Variants in TMEM106C observed in about 807,000 individuals in gnomAD.
TMEM106C encodes the protein transmembrane protein 106C, also known as endoplasmic reticulum membrane protein overexpressed in cancer.
In TMEM106C, 27 loss-of-function variants were observed where a neutral mutation model predicts 30.8. That is an observed-to-expected ratio of 0.88 (90% CI 0.65 to 1.21). The LOEUF (loss-of-function observed/expected upper bound fraction) is 1.21, where lower values mean the gene tolerates loss of function less well. Ranked by LOEUF, TMEM106C falls within the 50% of genes most tolerant of loss-of-function variation. TMEM106C has a pLI of 0.00. For missense variants in TMEM106C, 288 were observed against 307.8 expected (o/e 0.94, Z 0.48); for synonymous variants, 123 against 118.8 (o/e 1.04, Z -0.23).
At chr12:47,966,303 G>T in intron 5 of TMEM106C, 74 bp downstream of exon 5, 3 of 1,540,882 alleles carry the variant, frequency 1.9e-6, no homozygotes, top group Non-Finnish European at 1.8e-6. Context: ...TGCCATAGCT[G>T]TGTCACTTTC....
chr12:47,966,460 A>G, intron 5 of TMEM106C: 1 of 698,210 alleles, frequency 1.4e-6, no homozygotes, highest in Non-Finnish European at 2.3e-6. Context: ...GATTTGCTAC[A>G]AAATAAGAAG....
In TMEM106C at chr12:47,964,267, CCCT is replaced by C. The variant is rs750816609; in HGVS notation, c.38_40del (p.Ser13del). The C allele has an allele frequency of 6.2e-6, 10 of 1,613,864 alleles. No individual in the cohort carries two copies. Among genetic ancestry groups the C allele is most frequent in the Non-Finnish European group, 8.5e-6 (10 of 1,179,886 alleles). ...GTCTCAGCATTCCGCTGCTGCTCGC[CCCT>C]CCTCCTGCAGGCGAAAGCAAGAAGA... On this transcript the variant is annotated inframe_deletion, in exon 2 of 8. Transcript: ENST00000429772.
intron 7 of TMEM106C, 100 bp downstream of exon 7, chr12:47,967,361 C>A: frequency 1.7e-6 from 2 of 1,178,722 alleles, no homozygotes; most frequent in Non-Finnish European, 2.5e-6. Flanking sequence ...AGGCACCTAG[C>A]CCGAGGGGAC....
chr12:47,964,140 T>C, intron 1 of TMEM106C, 69 bp from the exon 2 acceptor site: 1 of 1,390,506 alleles, frequency 7.2e-7, no homozygotes, highest in Non-Finnish European at 9.8e-7. Flanking sequence ...TTAATTTTCT[T>C]ATAGAAACAA....
At chr12:47,967,609 C>A (rs756343410) in intron 7 of TMEM106C, among the ~76,000 whole-genome samples, 3 of 152,196 alleles carry the variant, frequency 2.0e-5, no homozygotes, top group Non-Finnish European at 2.9e-5. Flanking sequence ...TCTAGCCACA[C>A]AAATTACCAC....
rs1206407195 is a variant in TMEM106C at position 47,966,087 on chromosome 12, A to G, written c.412-2A>G. On this transcript the variant is annotated splice_acceptor_variant, in intron 4 of 7. Transcript: ENST00000429772. LOFTEE classifies it high-confidence loss of function. The stretch of plus-strand genomic sequence containing the variant: ...CTTGTTTCCTGACTTGCCCTGATGT[A>G]GGCCACCCTGAAAATCAGGAACTCC... 1.2e-6 allele frequency: 2 copies of G among 1,614,108 alleles called. No individual in the cohort carries two copies. Among genetic ancestry groups the G allele is most frequent in the Non-Finnish European group, 1.7e-6 (2 of 1,180,042 alleles).
At position 47,965,860 on chromosome 12, in the gene TMEM106C, A is replaced by G. The variant is rs901539962; in HGVS notation, c.274A>G (p.Ile92Val). 3 of 1,614,048 alleles carry G rather than the reference A, an allele frequency of 1.9e-6. No homozygotes were observed. The African/African-American group carries it at 4.0e-5, about 22-fold the overall frequency. Residue 92 changes from isoleucine (I) to valine (V), a missense_variant, in exon 4 of 8, where the codon ATC becomes GTC. Physicochemically the swap from Ile to Val is conservative, Grantham distance 29. Transcript: ENST00000429772. ...QRTKQYVLLSILLCLLASGLV... is the reference protein window; with the variant it reads ...QRTKQYVLLSVLLCLLASGLV... ...CAGTAAGCAATATGTCCTCCTGTCC[A>G]TCCTGCTTTGTCTCCTGGCATCTGG...
At chr12:47,967,395 T>C (rs1163717351) in intron 7 of TMEM106C, 134 bp downstream of exon 7, 2 of 825,532 alleles carry the variant, frequency 2.4e-6, no homozygotes, top group African/African-American at 3.4e-5. Context: ...CAGGCACAGA[T>C]ACAGTAGACC....
At chr12:47,965,556 T>A (rs1020935286) in intron 3 of TMEM106C, 1 of 646,000 alleles carries the variant, frequency 1.5e-6, no homozygotes, top group Non-Finnish European at 2.7e-6. Flanking sequence ...GGTCAAGGAA[T>A]GGAATCAGAA....
rs1938120216 is a variant in TMEM106C at position 47,963,617 on chromosome 12, G to C, written c.-116G>C. 1 of 152,530 alleles carries C rather than the reference G, an allele frequency of 6.6e-6. No individual in the cohort carries two copies. 9.4% of individuals were successfully genotyped at this position (152,530 alleles called of 1,614,324 possible). On this transcript the variant is annotated 5_prime_UTR_variant, in exon 1 of 8. Coordinates refer to ENST00000429772, the MANE Select transcript of TMEM106C (RefSeq NM_001143842.2). ...CTGCGCGCTGAGTGCGTGCCGCTCC[G>C]CCGACCGAAGAGGCTGGTAAGTCCT...
chr12:47,963,854 C>A, intron 1 of TMEM106C, 150 bp downstream of exon 1: 1 of 271,158 alleles, frequency 3.7e-6, no homozygotes, highest in South Asian at 4.1e-5. Context: ...AATTTGGTGC[C>A]TGTTTGTTGC....
chr12:47,965,081 C>T (rs1459790543), intron 2 of TMEM106C, among the ~76,000 whole-genome samples: 1 of 152,172 alleles, frequency 6.6e-6, no homozygotes, highest in Non-Finnish European at 1.5e-5. Flanking sequence ...CACATCACTA[C>T]CCTGGCAGCA....
intron 1 of TMEM106C, 69 bp from the exon 2 acceptor site, chr12:47,964,140 T>A: frequency 7.2e-7 from 1 of 1,390,506 alleles, no homozygotes; most frequent in Non-Finnish European, 9.8e-7. Context: ...TTAATTTTCT[T>A]ATAGAAACAA....
At chr12:47,963,913 C>A (rs1938132293) in intron 1 of TMEM106C, 1 of 422,448 alleles carries the variant, frequency 2.4e-6, no homozygotes. Flanking sequence ...AGGGGCGAGG[C>A]TGGACCAGGT....
rs200793879 is a variant in TMEM106C at position 47,968,155 on chromosome 12, A to G, written c.679A>G (p.Ile227Val). 286 of 1,613,716 alleles carry G rather than the reference A, an allele frequency of 1.8e-4. 2 individuals carry two copies. The highest frequency in any genetic ancestry group is 1.3e-3 in the South Asian group (115 of 91,082). ...FMRTSVKISY[I>V]GLMTQSSLET... ...TAGAACTTCAGTGAAGATTTCATAC[A>G]TTGGCCTCATGACCCAGAGCTCCTT... Residue 227 changes from isoleucine (I) to valine (V), a missense_variant, in exon 8 of 8, where the codon ATT becomes GTT. Coordinates refer to ENST00000429772, the MANE Select transcript of TMEM106C (RefSeq NM_001143842.2).
At chr12:47,967,514 A>G (rs1228447097) in intron 7 of TMEM106C, among the ~76,000 whole-genome samples, 1 of 152,216 alleles carries the variant, frequency 6.6e-6, no homozygotes, top group Non-Finnish European at 1.5e-5. Flanking sequence ...TAAACACTTG[A>G]TCCCCTCAGA....
rs1312099752 is a variant in TMEM106C, at chr12:47,965,187, C to T, written c.188-95C>T. On this transcript the variant is annotated intron_variant, in intron 2 of 7. Coordinates refer to ENST00000429772, the MANE Select transcript of TMEM106C (RefSeq NM_001143842.2). The stretch of plus-strand genomic sequence containing the variant: ...TAGTATTTTTTAAAATGTCTCATTC[C>T]AGAAGAATATTTGTTGTGGCAGGCT... The T allele has an allele frequency of 5.1e-6, 5 of 989,300 alleles. No individual in the cohort carries two copies. In the African/African-American group the frequency reaches 8.2e-5, roughly 16 times the overall value. 61.3% of individuals were successfully genotyped at this position (989,300 alleles called of 1,614,324 possible).
intron 6 of TMEM106C, 96 bp downstream of exon 6, chr12:47,966,828 C>T (rs981712236): frequency 7.3e-7 from 1 of 1,362,644 alleles, no homozygotes; most frequent in Non-Finnish European, 1.0e-6. Context: ...CCTTAGATCT[C>T]AGCTTTTGAC....
chr12:47,966,106 G>A lies in TMEM106C; in HGVS notation c.429G>A (p.Arg143=). ...TGATGTAGGCCACCCTGAAAATCAGGAACTCCAACTTCTACACGGTGGCAG... is the reference window on the plus strand; with the variant it reads ...TGATGTAGGCCACCCTGAAAATCAGAAACTCCAACTTCTACACGGTGGCAG... The part of the protein sequence containing the change: ...ILTIMATLKI[R]NSNFYTVAVT... Residue 143 remains arginine, a synonymous_variant, in exon 5 of 8, where the codon AGG becomes AGA. Coordinates refer to ENST00000429772, the MANE Select transcript of TMEM106C (RefSeq NM_001143842.2). 2 of 1,614,198 alleles carry A rather than the reference G, an allele frequency of 1.2e-6. No individual in the cohort carries two copies. The highest frequency in any genetic ancestry group is 1.7e-6 in the Non-Finnish European group (2 of 1,180,038).
Sources: gnomAD v4.1 joint callset for allele counts (sites outside exome capture counted in the v4.1 genomes callset) on GRCh38, gnomAD v4.1.1 for gene constraint, MANE v1.5 for transcripts, NCBI Gene and HGNC (gene_info 2026-07-23, HGNC 2026-07-21) for gene names.